LRRIQ1: variants seen among roughly 807,000 people sequenced by gnomAD.
LRRIQ1 encodes the protein leucine-rich repeat- and IQ domain-containing protein 1.
In LRRIQ1, 210 loss-of-function variants were observed where a neutral mutation model predicts 211.9. The ratio of observed to expected loss-of-function variants is 0.99; its 90% confidence interval spans 0.89 to 1.11. LRRIQ1 has a LOEUF of 1.11. Ranked by LOEUF, LRRIQ1 falls within the 50% of genes most tolerant of loss-of-function variation. LRRIQ1 has a pLI of 0.00. For synonymous variants in LRRIQ1, 699 were observed against 650.1 expected, an observed-to-expected ratio of 1.08 and a Z score of -1.14; for missense variants, 2,136 against 1,939.5, an observed-to-expected ratio of 1.10 and a Z score of -1.90.
intron 24 of LRRIQ1, among the ~76,000 whole-genome samples, chr12:85,224,381 G>A (rs1445630056): frequency 2.0e-5 from 3 of 152,026 alleles, no homozygotes; most frequent in Non-Finnish European, 4.4e-5. Flanking sequence ...AATCCCATTA[G>A]CGGGTATATA....
chr12:85,049,057 G>A (rs1166172050), intron 6 of LRRIQ1, among the ~76,000 whole-genome samples: 1 of 152,076 alleles, frequency 6.6e-6, no homozygotes, highest in Admixed American at 6.5e-5. Flanking sequence ...TATGATTTAA[G>A]GAAATGCAAT....
At chr12:85,118,503 T>TTG (rs899038032) in intron 15 of LRRIQ1, among the ~76,000 whole-genome samples, 20 of 150,434 alleles carry the variant, frequency 1.3e-4, no homozygotes, top group African/African-American at 4.4e-4. Flanking sequence ...AACTATGTTT[T>TTG]TTTTTTTTTT....
At chr12:85,060,918 A>G (rs1881717211) in intron 8 of LRRIQ1, among the ~76,000 whole-genome samples, 1 of 151,872 alleles carries the variant, frequency 6.6e-6, no homozygotes, top group South Asian at 2.1e-4. Flanking sequence ...GATTTGGGAA[A>G]ATACAGATGA....
intron 11 of LRRIQ1, among the ~76,000 whole-genome samples, chr12:85,091,751 G>C (rs1885416239): frequency 1.3e-5 from 2 of 152,064 alleles, no homozygotes; most frequent in Admixed American, 1.3e-4. Context: ...TATTGAATAG[G>C]GAGCCCTTTC....
At chr12:85,267,589 A>G (rs1470709993), downstream of LRRIQ1, among the ~76,000 whole-genome samples, 1 of 152,074 alleles carries the variant, frequency 6.6e-6, no homozygotes, top group African/African-American at 2.4e-5. Context: ...AAGCTCATGT[A>G]TCAGTGGAAA....
At chr12:85,203,926 C>T (rs1893416940) in intron 24 of LRRIQ1, among the ~76,000 whole-genome samples, 1 of 152,106 alleles carries the variant, frequency 6.6e-6, no homozygotes, top group Non-Finnish European at 1.5e-5. Context: ...AAATGTTAAC[C>T]CCCAAGACAA....
At chr12:85,050,018 A>G (rs1156882047) in intron 6 of LRRIQ1, among the ~76,000 whole-genome samples, 3 of 152,120 alleles carry the variant, frequency 2.0e-5, no homozygotes, top group Non-Finnish European at 2.9e-5. Context: ...CTGCATTGCT[A>G]TAAAGAAAAT....
intron 26 of LRRIQ1, among the ~76,000 whole-genome samples, chr12:85,241,112 T>C (rs1895438559): frequency 6.6e-6 from 1 of 151,988 alleles, no homozygotes; most frequent in Admixed American, 6.6e-5. Flanking sequence ...AGTGTCAGTT[T>C]TCTGGTTTTG....
chr12:85,200,091 C>T (rs970446782), intron 24 of LRRIQ1, among the ~76,000 whole-genome samples: 5 of 152,110 alleles, frequency 3.3e-5, no homozygotes, highest in African/African-American at 1.2e-4. Flanking sequence ...TTGATTCTTC[C>T]TATGCATGAG....
chr12:85,175,251 T>G (rs1891633351), intron 24 of LRRIQ1, among the ~76,000 whole-genome samples: 1 of 152,036 alleles, frequency 6.6e-6, no homozygotes, highest in Admixed American at 6.6e-5. Flanking sequence ...GCAAAGGAAT[T>G]TCATGATGAT....
In LRRIQ1 at chr12:85,128,648, G is replaced by T. The variant is rs144907143; in HGVS notation, c.4209+615G>T. 2.6e-3 allele frequency among the ~76,000 whole-genome samples: 391 copies of T among 152,202 alleles called. 4 individuals carry two copies. The highest frequency in any genetic ancestry group is 9.2e-3 in the African/African-American group (384 of 41,548). On this transcript the variant is annotated intron_variant, in intron 18 of 26. Transcript: ENST00000393217. ...ATCAAGTATGTCATTTGTCACATCT[G>T]CTAACATTTGATTAGCCAAAGCAGG...
At chr12:85,138,158 G>A (rs1889270476) in intron 19 of LRRIQ1, among the ~76,000 whole-genome samples, 189 bp downstream of exon 19, 1 of 151,480 alleles carries the variant, frequency 6.6e-6, no homozygotes, top group Admixed American at 6.6e-5. Flanking sequence ...AAAGGTGGCA[G>A]CAAAATACTT....
intron 11 of LRRIQ1, among the ~76,000 whole-genome samples, chr12:85,081,669 TTTAA>T (rs1177776679): frequency 6.6e-6 from 1 of 151,764 alleles, no homozygotes; most frequent in African/African-American, 2.4e-5. Context: ...TTTTATAAAG[TTTAA>T]TTATATTTGC....
intron 24 of LRRIQ1, among the ~76,000 whole-genome samples, chr12:85,179,374 T>C (rs1199079826): frequency 6.6e-6 from 1 of 152,002 alleles, no homozygotes; most frequent in African/African-American, 2.4e-5. Flanking sequence ...AGCAGTGTTA[T>C]GGTTTGTGAA....
chr12:85,132,769 T>A (rs1321442644), intron 18 of LRRIQ1, among the ~76,000 whole-genome samples: 4 of 150,842 alleles, frequency 2.7e-5, no homozygotes, highest in Non-Finnish European at 5.9e-5. Context: ...CTCAAAAAAA[T>A]AAAAAATAAA....
chr12:85,217,141 AC>A, intron 24 of LRRIQ1, among the ~76,000 whole-genome samples: 1 of 151,822 alleles, frequency 6.6e-6, no homozygotes, highest in Non-Finnish European at 1.5e-5. Flanking sequence ...TTTGACAAAT[AC>A]AAAAATTATC....
chr12:85,231,472 T>A (rs894522261), intron 25 of LRRIQ1, among the ~76,000 whole-genome samples: 1 of 152,152 alleles, frequency 6.6e-6, no homozygotes, highest in African/African-American at 2.4e-5. Flanking sequence ...AATAGGGTAG[T>A]ATTTTATTCT....
At chr12:85,219,358 T>C (rs1174240518) in intron 24 of LRRIQ1, among the ~76,000 whole-genome samples, 4 of 152,178 alleles carry the variant, frequency 2.6e-5, no homozygotes. Flanking sequence ...TGTTAAAGGA[T>C]GTTTCTGCTA....
At chr12:85,106,756 T>C (rs1886814844) in intron 15 of LRRIQ1, 141 bp downstream of exon 15, 3 of 620,878 alleles carry the variant, frequency 4.8e-6, no homozygotes, top group African/African-American at 1.9e-5. Context: ...AAAAAAGTTT[T>C]GTAAAAGTAG....
Sources: allele counts gnomAD v4.1 joint callset (sites outside exome capture counted in the v4.1 genomes callset), GRCh38; gene constraint gnomAD v4.1.1; transcripts MANE v1.5; gene names NCBI Gene and HGNC (gene_info 2026-07-23, HGNC 2026-07-21).